The following PRLR variants were observed in gnomAD, a reference collection of about 807,000 sequenced individuals.
PRLR encodes the protein hPRL receptor.
A neutral mutation model predicts 40.2 loss-of-function variants in PRLR; 13 were observed. That is an observed-to-expected ratio of 0.32 (90% CI 0.21 to 0.51). PRLR has a LOEUF of 0.51. Among genes scored for constraint, PRLR ranks in the 20% least tolerant of loss-of-function variants. The probability of loss-of-function intolerance (pLI) is 0.97; values close to 1 mark genes in which losing one functional copy is unlikely to be tolerated. For synonymous variants in PRLR, 269 were observed against 278.7 expected (o/e 0.97, Z 0.35); for missense variants, 656 against 747.3 (o/e 0.88, Z 1.42).
intron 1 of PRLR, among the ~76,000 whole-genome samples, chr5:35,120,477 T>C (rs1773251194): frequency 6.6e-6 from 1 of 152,204 alleles, no homozygotes; most frequent in South Asian, 2.1e-4. Context: ...AAGAAAGGTG[T>C]AAAATTTTGT....
chr5:35,072,811 C>G, intron 5 of PRLR, 67 bp from the exon 6 acceptor site: 1 of 1,549,178 alleles, frequency 6.5e-7, no homozygotes, highest in South Asian at 1.2e-5. Context: ...TTACCATTTT[C>G]TATTAGGAAT....
chr5:35,150,383 C>T (rs996594026), intron 1 of PRLR, among the ~76,000 whole-genome samples: 1 of 152,178 alleles, frequency 6.6e-6, no homozygotes, highest in Non-Finnish European at 1.5e-5. Flanking sequence ...TGAAATGCAA[C>T]GATGGGCTCT....
In PRLR at chr5:35,049,118, G is replaced by A. The variant is rs1384733751; in HGVS notation, c.*169C>T. On this transcript the variant is annotated 3_prime_UTR_variant, in exon 9 of 9. Transcript: ENST00000231423. ...AGCTCCCAGTCAATTCTGCTTTGGG[G>A]GCAGTAGGGAGTGATCATATGAGCT... is the stretch of plus-strand genomic sequence containing the variant. The A allele has an allele frequency of 2.7e-5, 19 of 693,418 alleles. No homozygotes were observed. The Admixed American group carries it at 3.8e-4, about 14-fold the overall frequency. The allele number at this position is 693,418 out of a possible 1,614,324, so 43.0% of individuals were successfully genotyped here.
Position 35,066,120 on chromosome 5 carries a change from C to T in PRLR, c.856-18G>A, listed in dbSNP as rs1228071452. Reference sequence around the variant, plus strand: ...TTGCCCTTCTATTAAAACACAGACACAAGAAGAGATGGCTGTTAGCTTCAT... The same window carrying T: ...TTGCCCTTCTATTAAAACACAGACATAAGAAGAGATGGCTGTTAGCTTCAT... On this transcript the variant is annotated intron_variant, in intron 9 of 9. Transcript: ENST00000618457. 4 of 1,603,856 alleles carry T rather than the reference C, an allele frequency of 2.5e-6. No homozygotes were observed. In the South Asian group the frequency reaches 4.4e-5, roughly 18 times the overall value.
chr5:35,065,027 T>C lies in PRLR; in HGVS notation c.*62A>G. 1.3e-6 allele frequency: 2 copies of C among 1,520,170 alleles called. No individual in the cohort carries two copies. The highest frequency in any genetic ancestry group is 1.8e-6 in the Non-Finnish European group (2 of 1,122,342). 94.2% of individuals were successfully genotyped at this position (1,520,170 alleles called of 1,614,324 possible). On this transcript the variant is annotated 3_prime_UTR_variant, in exon 10 of 10. Transcript: ENST00000618457. ...TGACTACATTCTTGAGCATTTCACG[T>C]ACTCTGTAGTGTTACCTGAAGAAAA...
chr5:35,068,701 A>G, intron 8 of PRLR, 78 bp downstream of exon 8: 1 of 1,142,014 alleles, frequency 8.8e-7, no homozygotes. Flanking sequence ...ACAGGTTTCC[A>G]TCATCTTTGT....
intron 2 of PRLR, among the ~76,000 whole-genome samples, chr5:35,093,738 AAT>A (rs921481065): frequency 2.0e-4 from 30 of 152,342 alleles, no homozygotes; most frequent in African/African-American, 7.2e-4. Context: ...TGTGCCACAT[AAT>A]GACATTTCAG....
chr5:35,192,443 C>T (rs1292537818), intron 1 of PRLR, among the ~76,000 whole-genome samples: 1 of 152,108 alleles, frequency 6.6e-6, no homozygotes, highest in Non-Finnish European at 1.5e-5. Context: ...AAAGTACCCA[C>T]CAGTGTGGGT....
intron 1 of PRLR, among the ~76,000 whole-genome samples, chr5:35,163,246 C>A (rs773724924): frequency 6.6e-6 from 1 of 152,128 alleles, no homozygotes; most frequent in Non-Finnish European, 1.5e-5. Flanking sequence ...CCCTCGAAAT[C>A]GTCTGTGAGC....
At chr5:35,071,362 G>A (rs973420080) in intron 6 of PRLR, among the ~76,000 whole-genome samples, 3 of 152,162 alleles carry the variant, frequency 2.0e-5, no homozygotes, top group Admixed American at 2.0e-4. Flanking sequence ...ATTCTGGTTT[G>A]GACAAAGTAG....
At chr5:35,069,176 T>C (rs1769590680) in intron 7 of PRLR, among the ~76,000 whole-genome samples, 1 of 152,188 alleles carries the variant, frequency 6.6e-6, no homozygotes, top group East Asian at 1.9e-4. Flanking sequence ...GCAGTAATAA[T>C]AATAAAAGCT....
At chr5:35,206,528 A>G (rs142803957) in intron 1 of PRLR, among the ~76,000 whole-genome samples, 47 of 152,234 alleles carry the variant, frequency 3.1e-4, no homozygotes, top group Admixed American at 3.1e-3. Flanking sequence ...AATTATTCTT[A>G]CCAATACTGA....
intron 1 of PRLR, among the ~76,000 whole-genome samples, chr5:35,139,216 C>A (rs1235396881): frequency 3.9e-5 from 6 of 152,096 alleles, no homozygotes; most frequent in Non-Finnish European, 7.4e-5. Context: ...CTCTTTGCAA[C>A]CTCTGCCTCC....
intron 1 of PRLR, among the ~76,000 whole-genome samples, chr5:35,229,296 G>A (rs954968752): frequency 6.6e-6 from 1 of 151,784 alleles, no homozygotes; most frequent in African/African-American, 2.4e-5. Context: ...AATCTTGCCC[G>A]GTCAACTTGA....
At chr5:35,227,175 T>C (rs1320343479) in intron 1 of PRLR, among the ~76,000 whole-genome samples, 3 of 152,162 alleles carry the variant, frequency 2.0e-5, no homozygotes. Flanking sequence ...TTGCTACCCG[T>C]TAATATGTAT....
intron 3 of PRLR, among the ~76,000 whole-genome samples, chr5:35,089,132 T>A (rs1165032335): frequency 6.6e-6 from 1 of 152,216 alleles, no homozygotes; most frequent in East Asian, 1.9e-4. Flanking sequence ...ACCTCTTATA[T>A]CCCATTATGG....
chr5:35,153,717 T>C (rs1318982648), intron 1 of PRLR, among the ~76,000 whole-genome samples: 3 of 143,392 alleles, frequency 2.1e-5, no homozygotes, highest in Non-Finnish European at 4.5e-5. Context: ...CCCACCATTG[T>C]ACACACACAC....
intron 1 of PRLR, among the ~76,000 whole-genome samples, chr5:35,199,047 T>C (rs1383440277): frequency 1.3e-5 from 2 of 152,172 alleles, no homozygotes; most frequent in African/African-American, 2.4e-5. Flanking sequence ...CAGGGTCCCT[T>C]GGCAGGAAGC....
intron 1 of PRLR, among the ~76,000 whole-genome samples, chr5:35,203,074 T>C (rs955006744): frequency 6.6e-6 from 1 of 152,194 alleles, no homozygotes; most frequent in Non-Finnish European, 1.5e-5. Flanking sequence ...CTTGTTCCCA[T>C]AGGACACTGG....
Sources: gnomAD v4.1 joint callset for allele counts (sites outside exome capture counted in the v4.1 genomes callset) on GRCh38, gnomAD v4.1.1 for gene constraint, MANE v1.5 for transcripts, NCBI Gene and HGNC (gene_info 2026-07-23, HGNC 2026-07-21) for gene names.